Variants in UTRN observed in about 807,000 individuals in gnomAD.
UTRN encodes the protein dystrophin-related protein 1.
UTRN carries 283 observed loss-of-function variants against 463.9 expected under a neutral mutation model. The observed-to-expected ratio is 0.61, with a 90% confidence interval of 0.55 to 0.67. The LOEUF (loss-of-function observed/expected upper bound fraction) is 0.67. Ranked by LOEUF, UTRN falls within the 30% of genes least tolerant of loss-of-function variation. The pLI is 0.00. For missense variants in UTRN, 3,922 were observed against 4,084.3 expected (o/e 0.96, Z 1.08); for synonymous variants, 1,442 against 1,431.5 (o/e 1.01, Z -0.17).
chr6:144,688,266 A>G (rs1475119375), intron 52 of UTRN, among the ~76,000 whole-genome samples: 1 of 152,048 alleles, frequency 6.6e-6, no homozygotes, highest in Non-Finnish European at 1.5e-5. Flanking sequence ...TTTCATTCAT[A>G]TCTTGAATTG....
intron 41 of UTRN, among the ~76,000 whole-genome samples, chr6:144,528,484 T>C (rs926882947): frequency 1.3e-5 from 2 of 152,254 alleles, no homozygotes; most frequent in South Asian, 4.1e-4. Context: ...TCCCATGAAA[T>C]GCTTCCTTGA....
At chr6:144,355,176 G>A (rs1778439779) in intron 2 of UTRN, among the ~76,000 whole-genome samples, 1 of 152,250 alleles carries the variant, frequency 6.6e-6, no homozygotes, top group Non-Finnish European at 1.5e-5. Context: ...CCAGCAATGT[G>A]ATCAAAAGCC....
intron 67 of UTRN, 91 bp from the exon 68 acceptor site, chr6:144,827,520 A>G: frequency 6.3e-7 from 1 of 1,594,892 alleles, no homozygotes; most frequent in Non-Finnish European, 8.6e-7. Context: ...TTTGCATGGC[A>G]GATTCATTAC....
intron 51 of UTRN, among the ~76,000 whole-genome samples, chr6:144,674,346 AT>A (rs1231809069): frequency 1.4e-5 from 2 of 141,134 alleles, no homozygotes; most frequent in Non-Finnish European, 3.1e-5. Flanking sequence ...TTTTTTAATT[AT>A]TTTTTATTTG....
intron 30 of UTRN, among the ~76,000 whole-genome samples, chr6:144,489,814 G>T (rs1008975316): frequency 7.3e-5 from 11 of 151,516 alleles, no homozygotes; most frequent in African/African-American, 2.4e-4. Flanking sequence ...TAGAGATGGG[G>T]TTTCACCATC....
chr6:144,733,455 T>C (rs1372504445), intron 54 of UTRN, among the ~76,000 whole-genome samples: 1 of 148,662 alleles, frequency 6.7e-6, no homozygotes, highest in Non-Finnish European at 1.5e-5. Flanking sequence ...AGGCAGAGAT[T>C]GCAGTTAGCT....
intron 2 of UTRN, among the ~76,000 whole-genome samples, chr6:144,399,839 A>G (rs1272303943): frequency 6.6e-6 from 1 of 152,200 alleles, no homozygotes; most frequent in Admixed American, 6.6e-5. Context: ...GTTTCCTTGA[A>G]GATTTATCAA....
chr6:144,754,780 T>G lies in UTRN; in HGVS notation c.8416T>G (p.Ser2806Ala). 1.9e-6 allele frequency: 3 copies of G among 1,613,634 alleles called. No homozygotes were observed. The highest frequency in any genetic ancestry group is 2.5e-6 in the Non-Finnish European group (3 of 1,179,710). Residue 2806 changes from serine to alanine, a missense_variant, in exon 57 of 75, where the codon TCT becomes GCT. Coordinates refer to ENST00000367545, the MANE Select transcript of UTRN (RefSeq NM_007124.3). Reference sequence around the variant, plus strand: ...AGCCCACAGAGATTTTGGACCATCCTCTCAGCATTTTCTCTCTAGTAAGTA... The same window carrying G: ...AGCCCACAGAGATTTTGGACCATCCGCTCAGCATTTTCTCTCTAGTAAGTA... ...QEAHRDFGPS[S>A]QHFLSTSVQL... is the part of the protein sequence containing the mutation.
chr6:144,425,415 C>T lies in UTRN; in HGVS notation c.406-872C>T, dbSNP rs376040703. 9.2e-5 allele frequency among the ~76,000 whole-genome samples: 14 copies of T among 152,162 alleles called. No homozygotes were observed. The South Asian group carries it at 2.7e-3, about 29-fold the overall frequency. On this transcript the variant is annotated intron_variant, in intron 6 of 74. Transcript: ENST00000367545. ...GACTACCCTTTGTTATTAAAAGTATCGGGTGGGGATATACTTTGAGACTGT... is the reference window on the plus strand; with the variant it reads ...GACTACCCTTTGTTATTAAAAGTATTGGGTGGGGATATACTTTGAGACTGT...
chr6:144,686,900 G>C (rs1040860904), intron 52 of UTRN, among the ~76,000 whole-genome samples: 4 of 152,072 alleles, frequency 2.6e-5, no homozygotes, highest in Admixed American at 6.5e-5. Context: ...ATTAAGATGT[G>C]AGGCACTGTT....
intron 35 of UTRN, among the ~76,000 whole-genome samples, chr6:144,513,101 G>T (rs183532847): frequency 1.3e-5 from 2 of 152,232 alleles, no homozygotes; most frequent in Admixed American, 1.3e-4. Context: ...TTCATGTCCT[G>T]CTTCAGTACA....
At chr6:144,453,967 C>G in intron 19 of UTRN, 98 bp downstream of exon 19, 1 of 938,238 alleles carries the variant, frequency 1.1e-6, no homozygotes, top group Non-Finnish European at 1.6e-6. Flanking sequence ...ATACTCGAAT[C>G]CTCTTTTGGC....
chr6:144,401,490 A>G (rs1484030453), intron 2 of UTRN, among the ~76,000 whole-genome samples: 1 of 152,174 alleles, frequency 6.6e-6, no homozygotes, highest in Admixed American at 6.5e-5. Context: ...CCTTGATCAG[A>G]TAATATAAAG....
At chr6:144,680,447 T>C (rs937636910) in intron 52 of UTRN, among the ~76,000 whole-genome samples, 2 of 152,192 alleles carry the variant, frequency 1.3e-5, no homozygotes, top group Non-Finnish European at 2.9e-5. Context: ...CAGTGGACTT[T>C]TGCATTAAGG....
rs892486910 is a variant in UTRN at position 144,508,065 on chromosome 6, A to G, written c.4765-2879A>G. 2.6e-5 allele frequency among the ~76,000 whole-genome samples: 4 copies of G among 152,180 alleles called. No individual in the cohort carries two copies. The East Asian group carries it at 7.7e-4, about 29-fold the overall frequency. ...GGGGAAAACTGCCTACTCAAGCCTC[A>G]GTAATGGTGGATGCCCCTCTCACCA... On this transcript the variant is annotated intron_variant, in intron 34 of 74. Transcript: ENST00000367545.
chr6:144,610,953 A>G lies in UTRN; in HGVS notation c.7479+33665A>G, dbSNP rs1387076127. 2.0e-5 allele frequency among the ~76,000 whole-genome samples: 3 copies of G among 152,086 alleles called. No individual in the cohort carries two copies. In the East Asian group the frequency reaches 5.8e-4, roughly 29 times the overall value. ...CTCCATAATGAATACAGGTGAAAAA[A>G]CCCTCAACAAACTATTAGCAAACCA... is the stretch of plus-strand genomic sequence containing the variant. On this transcript the variant is annotated intron_variant, in intron 51 of 74. Transcript: ENST00000367545.
intron 25 of UTRN, among the ~76,000 whole-genome samples, chr6:144,478,238 A>G (rs189183659): frequency 6.6e-6 from 1 of 152,346 alleles, no homozygotes; most frequent in East Asian, 1.9e-4. Flanking sequence ...AAAAAATAGA[A>G]AGTATATATT....
chr6:144,711,273 A>G (rs1586154536), intron 53 of UTRN, among the ~76,000 whole-genome samples: 1 of 151,690 alleles, frequency 6.6e-6, no homozygotes, highest in East Asian at 1.9e-4. Flanking sequence ...CCAAGATCAC[A>G]CCTCTGCACT....
chr6:144,672,023 G>C (rs879493709), intron 51 of UTRN, among the ~76,000 whole-genome samples: 18 of 152,010 alleles, frequency 1.2e-4, no homozygotes, highest in Non-Finnish European at 2.4e-4. Flanking sequence ...TGATCATGAT[G>C]GATAATCTTT....
Sources: gnomAD v4.1 joint callset for allele counts (sites outside exome capture counted in the v4.1 genomes callset) on GRCh38, gnomAD v4.1.1 for gene constraint, MANE v1.5 for transcripts, NCBI Gene and HGNC (gene_info 2026-07-23, HGNC 2026-07-21) for gene names.